Variants in IQSEC1 observed in about 807,000 individuals in gnomAD.
The protein encoded by IQSEC1 is IQ motif and SEC7 domain-containing protein 1.
In IQSEC1, 31 loss-of-function variants were observed where a neutral mutation model predicts 91.0. The ratio of observed to expected loss-of-function variants is 0.34; its 90% confidence interval spans 0.26 to 0.46. The LOEUF (loss-of-function observed/expected upper bound fraction) is 0.46. Ranked by LOEUF, IQSEC1 falls within the 20% of genes least tolerant of loss-of-function variation. The pLI is 1.00. For synonymous variants in IQSEC1, 699 were observed against 662.6 expected, an observed-to-expected ratio of 1.05 and a Z score of -0.84; for missense variants, 1,388 against 1,575.6, an observed-to-expected ratio of 0.88 and a Z score of 2.02.
chr3:12,932,232 G>C (rs756115129), intron 3 of IQSEC1, among the ~76,000 whole-genome samples: 28 of 152,314 alleles, frequency 1.8e-4, no homozygotes, highest in East Asian at 9.7e-4. Flanking sequence ...ACCTGCCCCA[G>C]CTCCATGTGC....
intron 1 of IQSEC1, among the ~76,000 whole-genome samples, chr3:12,958,076 C>T (rs1298207481): frequency 6.6e-6 from 1 of 152,200 alleles, no homozygotes; most frequent in Non-Finnish European, 1.5e-5. Context: ...CGGGACACCT[C>T]CCTGCCTGTC....
intron 1 of IQSEC1, among the ~76,000 whole-genome samples, chr3:13,071,839 C>T (rs537972271): frequency 1.5e-4 from 23 of 150,856 alleles, no homozygotes; most frequent in African/African-American, 5.1e-4. Flanking sequence ...ACTGCCATCC[C>T]CCAAACCAGA....
At chr3:13,254,591 C>A (rs1695254798) in intron 1 of IQSEC1, among the ~76,000 whole-genome samples, 2 of 152,244 alleles carry the variant, frequency 1.3e-5, no homozygotes, top group South Asian at 4.1e-4. Flanking sequence ...AGCTCAAGCC[C>A]CCTTCGGTGA....
chr3:13,017,313 T>C (rs1161159344), intron 1 of IQSEC1, among the ~76,000 whole-genome samples: 2 of 152,248 alleles, frequency 1.3e-5, no homozygotes, highest in African/African-American at 4.8e-5. Context: ...CCAGGAGGCC[T>C]GAGTGTCCAC....
intron 2 of IQSEC1, among the ~76,000 whole-genome samples, chr3:13,078,659 A>G (rs773515234): frequency 1.3e-5 from 2 of 149,724 alleles, no homozygotes; most frequent in East Asian, 2.1e-4. Context: ...CAGTCAGACC[A>G]GGGCCCATCC....
At chr3:12,989,497 AGTGACTTGTCCAAG>A (rs1701892270) in intron 1 of IQSEC1, among the ~76,000 whole-genome samples, 1 of 152,226 alleles carries the variant, frequency 6.6e-6, no homozygotes, top group Non-Finnish European at 1.5e-5. Flanking sequence ...AGGGAGGCCT[AGTGACTTGTCCAAG>A]GTCATGCACA....
chr3:13,109,944 G>T (rs545891970), intron 2 of IQSEC1, among the ~76,000 whole-genome samples: 1 of 147,746 alleles, frequency 6.8e-6, no homozygotes, highest in African/African-American at 2.5e-5. Flanking sequence ...GTGCAGTGGC[G>T]TGATCTCGGC....
At chr3:13,053,064 T>C in intron 1 of IQSEC1, 1 of 1,070,954 alleles carries the variant, frequency 9.3e-7, no homozygotes, top group Non-Finnish European at 1.4e-6. Context: ...AATGGGACGA[T>C]TTTGCTTTAT....
intron 1 of IQSEC1, among the ~76,000 whole-genome samples, chr3:13,041,519 G>A (rs777904483): frequency 2.6e-5 from 4 of 152,206 alleles, no homozygotes; most frequent in Non-Finnish European, 5.9e-5. Context: ...CAGAATAGAC[G>A]GGACAATTCC....
At chr3:12,973,690 TATCTC>T (rs1028961925) in intron 1 of IQSEC1, among the ~76,000 whole-genome samples, 26 of 152,352 alleles carry the variant, frequency 1.7e-4, no homozygotes, top group African/African-American at 6.3e-4. Context: ...TATATCAAAA[TATCTC>T]ATGTGACCCA....
Position 13,274,170 on chromosome 3 carries a change from C to T in IQSEC1, c.272+8541G>A, listed in dbSNP as rs528300256. 3.3e-5 allele frequency among the ~76,000 whole-genome samples: 5 copies of T among 152,334 alleles called. No individual in the cohort carries two copies. In the South Asian group the frequency reaches 8.3e-4, roughly 25 times the overall value. On this transcript the variant is annotated intron_variant, in intron 1 of 15. Transcript: ENST00000648114. ...CTGTTCATGGGCCCTGCAGCCCATC[C>T]GTGAATCTCATCCACAAACATGCCT...
At chr3:13,245,468 C>A (rs1373674082) in intron 1 of IQSEC1, among the ~76,000 whole-genome samples, 2 of 152,164 alleles carry the variant, frequency 1.3e-5, no homozygotes, top group Non-Finnish European at 2.9e-5. Flanking sequence ...AGTCACATGC[C>A]AAGAATGTGG....
intron 1 of IQSEC1, among the ~76,000 whole-genome samples, chr3:13,257,622 C>T (rs1163721186): frequency 3.3e-5 from 5 of 152,294 alleles, no homozygotes; most frequent in South Asian, 2.1e-4. Flanking sequence ...GGTAGGGCTC[C>T]GCACCCTGCA....
chr3:13,179,239 T>C (rs1341389568), intron 1 of IQSEC1, among the ~76,000 whole-genome samples: 2 of 152,236 alleles, frequency 1.3e-5, no homozygotes, highest in Admixed American at 6.5e-5. Context: ...ACCCCTGGTG[T>C]TTCAGTAACA....
At position 13,108,309 on chromosome 3, in the gene IQSEC1, A is replaced by G. The variant is rs78467075; in HGVS notation, c.302+55795T>C. 4.9e-3 allele frequency among the ~76,000 whole-genome samples: 739 copies of G among 152,292 alleles called. 6 individuals are homozygous for G. Among genetic ancestry groups the G allele is most frequent in the African/African-American group, 0.016 (653 of 41,546 alleles). On this transcript the variant is annotated intron_variant, in intron 2 of 15. Transcript: ENST00000648114. ...ATCCCTAAGTTTTGTTATTGCTAAC[A>G]TTTTGTGATCATAAAGCAGTGTGGT...
chr3:13,230,403 G>A (rs1048476367), intron 1 of IQSEC1, among the ~76,000 whole-genome samples: 1 of 152,210 alleles, frequency 6.6e-6, no homozygotes, highest in Admixed American at 6.5e-5. Context: ...GTGTTTTTCT[G>A]CTAAAGCTTT....
At chr3:13,059,814 G>C (rs1186984084) in intron 1 of IQSEC1, among the ~76,000 whole-genome samples, 1 of 152,210 alleles carries the variant, frequency 6.6e-6, no homozygotes, top group Non-Finnish European at 1.5e-5. Context: ...CAGGCTAAAG[G>C]AGACAGTGTG....
rs150292173 is a variant in IQSEC1 at position 13,017,132 on chromosome 3, G to A, written c.23+55860C>T. Among the ~76,000 whole-genome samples the A allele has an allele frequency of 3.6e-3, 551 of 152,238 alleles. 7 individuals carry two copies. The highest frequency in any genetic ancestry group is 0.026 in the Admixed American group (397 of 15,292). ...TGTGTTTATCTATTCATCCACTGAC[G>A]GCCACTGGGAGAGGCCCTTCTTGAC... is the stretch of plus-strand genomic sequence containing the variant. On this transcript the variant is annotated intron_variant, in intron 1 of 13. Coordinates refer to ENST00000613206, the MANE Select transcript of IQSEC1 (RefSeq NM_001134382.3).
intron 1 of IQSEC1, among the ~76,000 whole-genome samples, chr3:12,981,414 C>CTCTGGAA (rs1222025096): frequency 6.6e-6 from 1 of 152,048 alleles, no homozygotes; most frequent in African/African-American, 2.4e-5. Flanking sequence ...ATATGTGAAA[C>CTCTGGAA]TCTGGAATCG....
Sources: allele counts gnomAD v4.1 joint callset (sites outside exome capture counted in the v4.1 genomes callset), GRCh38; gene constraint gnomAD v4.1.1; transcripts MANE v1.5; gene names NCBI Gene and HGNC (gene_info 2026-07-23, HGNC 2026-07-21).